Variants in STRN observed in about 807,000 individuals in gnomAD.
STRN encodes the protein striatin, also known as protein phosphatase 2 regulatory subunit B'''alpha.
In STRN, 53 loss-of-function variants were observed where a neutral mutation model predicts 96.3. That is an observed-to-expected ratio of 0.55 (90% confidence interval 0.44 to 0.69). The LOEUF (loss-of-function observed/expected upper bound fraction) is 0.69. STRN is among the 30% of genes least tolerant of loss of function. The probability of loss-of-function intolerance (pLI) is 0.00; values close to 1 mark genes in which losing one functional copy is unlikely to be tolerated. For missense variants in STRN, 987 were observed against 963.9 expected (o/e 1.02, Z -0.32); for synonymous variants, 428 against 355.9 (o/e 1.20, Z -2.28).
intron 12 of STRN, among the ~76,000 whole-genome samples, chr2:36,866,161 A>G (rs1668617012): frequency 6.6e-6 from 1 of 151,680 alleles, no homozygotes; most frequent in Non-Finnish European, 1.5e-5. Flanking sequence ...TGCAAACTCC[A>G]CCTCCCGGGC....
Position 36,864,869 on chromosome 2 carries a change from C to T in STRN, c.1547+2945G>A, listed in dbSNP as rs939252794. Among the ~76,000 whole-genome samples, 9 of 152,138 alleles carry T rather than the reference C, an allele frequency of 5.9e-5. No individual in the cohort carries two copies. The South Asian group carries it at 6.2e-4, about 10-fold the overall frequency. On this transcript the variant is annotated intron_variant, in intron 12 of 17. Coordinates refer to ENST00000263918, the MANE Select transcript of STRN (RefSeq NM_003162.4). ...CTGGGATTACAGGCACCTGCCACCA[C>T]GCCCAGCTAATTTTTTTGTATTTTT...
rs1405068386 is a variant in STRN, at chr2:36,845,778, TCAG to T, written c.*3675_*3677del. 1 of 151,894 alleles carries T rather than the reference TCAG, an allele frequency of 6.6e-6. No homozygotes were observed. The highest frequency in any genetic ancestry group is 1.5e-5 in the Non-Finnish European group (1 of 67,982). The allele number at this position is 151,894 out of a possible 1,614,324, so 9.4% of individuals were successfully genotyped here. A position where few individuals can be genotyped will look rare whatever the true frequency, so the allele number is the denominator to read the frequency against. On this transcript the variant is annotated 3_prime_UTR_variant, in exon 18 of 18. Coordinates refer to ENST00000263918, the MANE Select transcript of STRN (RefSeq NM_003162.4). Reference sequence around the variant, plus strand: ...AATTCTTGGAAAGTATATATGGTGCTCAGAAGAGCACAAAGCGCATGAAATGTC... The same window carrying T: ...AATTCTTGGAAAGTATATATGGTGCTAAGAGCACAAAGCGCATGAAATGTC...
At position 36,861,236 on chromosome 2, in the gene STRN, A is replaced by T; in HGVS notation, c.1565T>A (p.Val522Glu). The change falls in exon 13 of 18, where the codon GTG becomes GAG. Residue 522 changes from valine to glutamate, a missense_variant. Transcript: ENST00000263918. ...CTGCTCACCATTGCTGCTCATTACC[A>T]CACAAAGCACTGGACCTCTGGGAGA... is the stretch of plus-strand genomic sequence containing the variant. ...FRAHKGPVLC[V>E]VMSSNGEQCY... The T allele has an allele frequency of 6.2e-7, 1 of 1,613,950 alleles. No homozygotes were observed.
rs1182782156 is a variant in STRN, at chr2:36,861,120, G to A, written c.1669+12C>T. The A allele has an allele frequency of 6.2e-7, 1 of 1,610,976 alleles. No homozygotes were observed. Among genetic ancestry groups the A allele is most frequent in the African/African-American group, 1.3e-5 (1 of 74,682 alleles). On this transcript the variant is annotated intron_variant, in intron 13 of 17. Transcript: ENST00000263918. ...CAATTTTATTCCTTCAGATCTTTGG[G>A]AAATCACCTACCATAAGAATCATAG...
intron 1 of STRN, among the ~76,000 whole-genome samples, chr2:36,939,372 T>G (rs1055405159): frequency 6.6e-6 from 1 of 152,136 alleles, no homozygotes; most frequent in African/African-American, 2.4e-5. Flanking sequence ...GATACATTAA[T>G]TAGACGTGAT....
At position 36,957,744 on chromosome 2, in the gene STRN, C is replaced by CTTTTTTTTTTTTTTTTTTTTTTTTT. The variant is rs1159531782; in HGVS notation, c.234+8461_234+8485dup. Reference sequence around the variant, plus strand: ...TTAGTCTCATAGTTCTTCTTTTTGTCTTTTTTTTTTTTTTTTTTTTTTTTT... The same window carrying CTTTTTTTTTTTTTTTTTTTTTTTTT: ...TTAGTCTCATAGTTCTTCTTTTTGTCTTTTTTTTTTTTTTTTTTTTTTTTTTTTTTTTTTTTTTTTTTTTTTTTTT... On this transcript the variant is annotated intron_variant, in intron 1 of 17. Coordinates refer to ENST00000263918, the MANE Select transcript of STRN (RefSeq NM_003162.4). 3.4e-5 allele frequency among the ~76,000 whole-genome samples: 3 copies of CTTTTTTTTTTTTTTTTTTTTTTTTT among 89,208 alleles called. 1 individual carries two copies. The highest frequency in any genetic ancestry group is 4.5e-5 in the African/African-American group (1 of 22,338). The allele number at this position is 89,208 out of a possible 152,430, so 58.5% of individuals were successfully genotyped here.
intron 15 of STRN, among the ~76,000 whole-genome samples, chr2:36,854,238 T>G (rs1411225032): frequency 6.6e-6 from 1 of 152,224 alleles, no homozygotes; most frequent in African/African-American, 2.4e-5. Flanking sequence ...GTCATATATT[T>G]AAACATGATT....
intron 1 of STRN, among the ~76,000 whole-genome samples, chr2:36,963,160 G>A (rs1239381019): frequency 2.0e-5 from 3 of 152,114 alleles, no homozygotes; most frequent in Non-Finnish European, 2.9e-5. Flanking sequence ...TTGCTATAAC[G>A]TGGCCCTTTC....
At chr2:36,894,519 A>T (rs746762803) in intron 6 of STRN, among the ~76,000 whole-genome samples, 3 of 152,234 alleles carry the variant, frequency 2.0e-5, no homozygotes, top group African/African-American at 7.2e-5. Flanking sequence ...TGAAGGGCTA[A>T]AACTTAAGCT....
rs1196082010 is a variant in STRN at position 36,916,181 on chromosome 2, T to C, written c.339-30A>G. The C allele has an allele frequency of 3.8e-5, 60 of 1,564,274 alleles. 2 individuals are homozygous for C. The Middle Eastern group carries it at 8.3e-4, about 22-fold the overall frequency. ...CAAAGAAATGAGAAAATACAGACCA[T>C]CTTAAAATATGTTTAAATTAACATA... On this transcript the variant is annotated intron_variant, in intron 2 of 17. Transcript: ENST00000263918.
chr2:36,866,421 G>C (rs1176035338), intron 12 of STRN, among the ~76,000 whole-genome samples: 1 of 152,162 alleles, frequency 6.6e-6, no homozygotes, highest in Non-Finnish European at 1.5e-5. Context: ...CATGATTTCA[G>C]TTTTTCTAAA....
At position 36,904,969 on chromosome 2, in the gene STRN, C is replaced by CT. The variant is rs199913588; in HGVS notation, c.491+570dup. ...AAATTGCATGTAAACACCAATTGCA[C>CT]TTTTTTTTTTTTTTTTTGAGATGAA... On this transcript the variant is annotated intron_variant, in intron 4 of 17. Transcript: ENST00000263918. Among the ~76,000 whole-genome samples the CT allele has an allele frequency of 1.7e-3, 226 of 134,822 alleles. 1 individual carries two copies. Among genetic ancestry groups the CT allele is most frequent in the East Asian group, 6.4e-3 (30 of 4,716 alleles). The allele number at this position is 134,822 out of a possible 152,430, so 88.4% of individuals were successfully genotyped here.
chr2:36,861,056 C>G, intron 13 of STRN, 76 bp downstream of exon 13: 1 of 1,537,406 alleles, frequency 6.5e-7, no homozygotes, highest in East Asian at 2.3e-5. Flanking sequence ...CTCTTTATCT[C>G]TTCCTTTTAT....
At chr2:36,870,107 C>T (rs1017171831) in intron 10 of STRN, among the ~76,000 whole-genome samples, 1 of 152,060 alleles carries the variant, frequency 6.6e-6, no homozygotes, top group Non-Finnish European at 1.5e-5. Flanking sequence ...AACCTGCTAA[C>T]ATTTTAAAAT....
At chr2:36,871,380 G>A (rs1668759248) in intron 10 of STRN, among the ~76,000 whole-genome samples, 2 of 152,118 alleles carry the variant, frequency 1.3e-5, no homozygotes, top group African/African-American at 4.8e-5. Context: ...CCTTTTCTAT[G>A]TTTAGACATG....
intron 12 of STRN, among the ~76,000 whole-genome samples, chr2:36,865,677 T>G (rs1262562573): frequency 6.6e-6 from 1 of 152,160 alleles, no homozygotes; most frequent in Non-Finnish European, 1.5e-5. Flanking sequence ...TTCTCCTGCC[T>G]CAGCCTCCTG....
Position 36,849,425 on chromosome 2 carries a change from A to G in STRN, c.*31T>C, listed in dbSNP as rs1291613788. The G allele has an allele frequency of 6.2e-7, 1 of 1,610,640 alleles. No homozygotes were observed. The highest frequency in any genetic ancestry group is 8.5e-7 in the Non-Finnish European group (1 of 1,178,106). ...TCTTGTGTGCAGTTGATTACTTATA[A>G]ACAGCTAGAAGGTGAAGATGATGCA... On this transcript the variant is annotated 3_prime_UTR_variant, in exon 18 of 18. Transcript: ENST00000263918.
At position 36,863,398 on chromosome 2, in the gene STRN, G is replaced by C. The variant is rs545349720; in HGVS notation, c.1548-2145C>G. Among the ~76,000 whole-genome samples, 18 of 152,270 alleles carry C rather than the reference G, an allele frequency of 1.2e-4. No homozygotes were observed. In the South Asian group the frequency reaches 3.5e-3, roughly 30 times the overall value. On this transcript the variant is annotated intron_variant, in intron 12 of 17. Coordinates refer to ENST00000263918, the MANE Select transcript of STRN (RefSeq NM_003162.4). ...AGTTTCAATCTTCTGCATATGGCTA[G>C]CCATTTATCCCAGCATCATTTATTG...
At chr2:36,904,876 A>G (rs1390852002) in intron 4 of STRN, among the ~76,000 whole-genome samples, 2 of 152,164 alleles carry the variant, frequency 1.3e-5, no homozygotes, top group African/African-American at 2.4e-5. Flanking sequence ...AATATATGTT[A>G]GGCAATATTT....
Sources: allele counts gnomAD v4.1 joint callset (sites outside exome capture counted in the v4.1 genomes callset), GRCh38; gene constraint gnomAD v4.1.1; transcripts MANE v1.5; gene names NCBI Gene and HGNC (gene_info 2026-07-23, HGNC 2026-07-21).